TNS1: variants seen among roughly 807,000 people sequenced by gnomAD.
TNS1 encodes tensin-1.
TNS1 carries 62 observed loss-of-function variants against 168.6 expected under a neutral mutation model. That is an observed-to-expected ratio of 0.37 (90% CI 0.30 to 0.45). The LOEUF (loss-of-function observed/expected upper bound fraction) is 0.45. Ranked by LOEUF, TNS1 falls within the 20% of genes least tolerant of loss-of-function variation. TNS1 has a pLI of 1.00. For missense variants in TNS1, 2,240 were observed against 2,339.4 expected, an observed-to-expected ratio of 0.96 and a Z score of 0.88; for synonymous variants, 934 against 933.2, an observed-to-expected ratio of 1.00 and a Z score of -0.02.
intron 6 of TNS1, 58 bp downstream of exon 6, chr2:217,906,277 C>A: frequency 3.0e-6 from 2 of 670,568 alleles, no homozygotes; most frequent in South Asian, 3.1e-5. Flanking sequence ...CCACCCCACC[C>A]CATTCCCCCT....
At position 217,931,773 on chromosome 2, in the gene TNS1, A is replaced by G. The variant is rs556723429; in HGVS notation, c.187-11537T>C. The stretch of plus-strand genomic sequence containing the variant: ...AGGGAAGGCTACTTGAATTGTACAC[A>G]TCGATCCTAAGGTGCATTCCATTTT... On this transcript the variant is annotated intron_variant, in intron 3 of 32. Coordinates refer to ENST00000682258, the MANE Select transcript of TNS1 (RefSeq NM_001387777.1). Among the ~76,000 whole-genome samples, 108 of 152,318 alleles carry G rather than the reference A, an allele frequency of 7.1e-4. 1 individual carries two copies. Among genetic ancestry groups the G allele is most frequent in the African/African-American group, 2.0e-3 (84 of 41,572 alleles).
chr2:217,878,094 G>A (rs1221612064), intron 18 of TNS1, among the ~76,000 whole-genome samples: 2 of 152,202 alleles, frequency 1.3e-5, no homozygotes, highest in Non-Finnish European at 2.9e-5. Context: ...TGAGTGAGCG[G>A]CCCACACTCT....
rs201215913 is a variant in TNS1 at position 217,953,036 on chromosome 2, T to C, written c.186+25729A>G. On this transcript the variant is annotated intron_variant, in intron 3 of 32. Coordinates refer to ENST00000682258, the MANE Select transcript of TNS1 (RefSeq NM_001387777.1). ...GCTCCCAGCCCAGCGCTCAGGCCTC[T>C]GCATCACACTGGTCCCCAGGAGAGG... Among the ~76,000 whole-genome samples the C allele has an allele frequency of 9.2e-5, 14 of 152,324 alleles. No individual in the cohort carries two copies. The East Asian group carries it at 2.7e-3, about 29-fold the overall frequency.
At position 218,033,194 on chromosome 2, in the gene TNS1, A is replaced by G. The variant is rs909125041; in HGVS notation, c.156+626T>C. ...AAACACCTCCTCCTACTCTCCCAGG[A>G]AGAAACCAGCACCACACCTATCCCA... On this transcript the variant is annotated intron_variant, in intron 1 of 1. Coordinates refer to the TNS1 transcript ENST00000649572. The surrounding 1 kb of genome is among the most constrained non-coding windows in gnomAD (Gnocchi z 4.3). 1.7e-4 allele frequency among the ~76,000 whole-genome samples: 26 copies of G among 152,148 alleles called. No individual in the cohort carries two copies. The highest frequency in any genetic ancestry group is 6.3e-4 in the African/African-American group (26 of 41,424).
chr2:217,885,873 G>A, intron 14 of TNS1, 54 bp from the exon 15 acceptor site: 1 of 1,569,420 alleles, frequency 6.4e-7, no homozygotes, highest in Non-Finnish European at 8.8e-7. Flanking sequence ...GGAGATGAGG[G>A]AGGGGCATTT....
intron 18 of TNS1, among the ~76,000 whole-genome samples, chr2:217,855,232 T>A (rs910477527): frequency 3.9e-5 from 6 of 152,076 alleles, no homozygotes; most frequent in Admixed American, 2.0e-4. Flanking sequence ...CAGAACACCC[T>A]CCACTCTACT....
chr2:217,984,838 C>G (rs559509458), intron 2 of TNS1, among the ~76,000 whole-genome samples: 1 of 151,612 alleles, frequency 6.6e-6, no homozygotes, highest in African/African-American at 2.4e-5. Flanking sequence ...TCACTGCAAC[C>G]TCCACCTCCC....
chr2:217,906,297 G>A lies in TNS1; in HGVS notation c.321+38C>T, dbSNP rs527903595. The A allele has an allele frequency of 4.1e-5, 28 of 684,190 alleles. No homozygotes were observed. In the African/African-American group the frequency reaches 4.6e-4, roughly 11 times the overall value. The allele number at this position is 684,190 out of a possible 1,614,324, so 42.4% of individuals were successfully genotyped here. Reference sequence around the variant, plus strand: ...CCACCCCATTCCCCCTGGCCACCAGGGCCCAGCCCCATCCTTCTTCTCCCC... The same window carrying A: ...CCACCCCATTCCCCCTGGCCACCAGAGCCCAGCCCCATCCTTCTTCTCCCC... On this transcript the variant is annotated intron_variant, in intron 6 of 32. Coordinates refer to ENST00000682258, the MANE Select transcript of TNS1 (RefSeq NM_001387777.1).
chr2:217,860,690 C>A (rs1948699045), intron 18 of TNS1, among the ~76,000 whole-genome samples: 1 of 152,202 alleles, frequency 6.6e-6, no homozygotes, highest in Non-Finnish European at 1.5e-5. Flanking sequence ...AAATAAACTT[C>A]ATTTAACTTA....
In TNS1 at chr2:217,888,848, A is replaced by G. The variant is rs1373913024; in HGVS notation, c.866+2114T>C. ...GTATGTCTTTATCAGCAGCATGAAA[A>G]TGGACTAATACACCAGGGAATCCCT... On this transcript the variant is annotated intron_variant, in intron 12 of 32. Coordinates refer to ENST00000682258, the MANE Select transcript of TNS1 (RefSeq NM_001387777.1). Among the ~76,000 whole-genome samples the G allele has an allele frequency of 2.0e-5, 3 of 152,182 alleles. No individual in the cohort carries two copies. In the East Asian group the frequency reaches 5.8e-4, roughly 29 times the overall value.
intron 3 of TNS1, among the ~76,000 whole-genome samples, chr2:217,973,948 C>T (rs113024573): frequency 1.3e-5 from 2 of 152,140 alleles, no homozygotes; most frequent in East Asian, 3.9e-4. Context: ...TACAACATAG[C>T]AATTAAAAAG....
At chr2:218,008,317 A>C (rs192330001) in intron 1 of TNS1, among the ~76,000 whole-genome samples, 3,981 of 152,254 alleles carry the variant, frequency 0.026, 180 homozygotes, top group African/African-American at 0.091. Context: ...CCCGACCCCC[A>C]GTCGCCAGCT....
At chr2:217,959,618 A>G (rs1177042214) in intron 3 of TNS1, among the ~76,000 whole-genome samples, 4 of 152,190 alleles carry the variant, frequency 2.6e-5, no homozygotes, top group Non-Finnish European at 5.9e-5. Flanking sequence ...TTAGCATAAA[A>G]CCTGGTGCCT....
rs1337647071 is a variant in TNS1 at position 217,801,819 on chromosome 2, A to C, written c.*2640T>G. On this transcript the variant is annotated 3_prime_UTR_variant, in exon 33 of 33. Transcript: ENST00000682258. ...CCCTTCCCCATCATTCGCCTTGAAA[A>C]GTCACACTCTCAGAAACTGACTCCT... is the stretch of plus-strand genomic sequence containing the variant. The C allele has an allele frequency of 6.6e-6, 1 of 152,190 alleles. No individual in the cohort carries two copies. The highest frequency in any genetic ancestry group is 2.4e-5 in the African/African-American group (1 of 41,440). The allele number at this position is 152,190 out of a possible 1,614,324, so 9.4% of individuals were successfully genotyped here.
chr2:217,815,614 C>T (rs1941772147), intron 24 of TNS1, among the ~76,000 whole-genome samples: 1 of 152,202 alleles, frequency 6.6e-6, no homozygotes, highest in African/African-American at 2.4e-5. Context: ...CCTGGCACTG[C>T]ATTCCCACAG....
At chr2:217,838,885 G>T (rs990131865) in intron 19 of TNS1, among the ~76,000 whole-genome samples, 1 of 152,110 alleles carries the variant, frequency 6.6e-6, no homozygotes, top group African/African-American at 2.4e-5. Context: ...ACGTCCCAGA[G>T]TCTGACTGAT....
At position 217,848,522 on chromosome 2, in the gene TNS1, C is replaced by A. The variant is rs776497313; in HGVS notation, c.1995G>T (p.Leu665=). ...GGTAGGACTTGTCCAGACCGTTGGT[C>A]AGTGGGGACAGGGCCTCTGGGTAGC... is the stretch of plus-strand genomic sequence containing the variant. ...EGGYPEALSP[L]TNGLDKSYPM... Residue 665 remains leucine (L), a synonymous_variant, in exon 19 of 33, where the codon CTG becomes CTT. Coordinates refer to ENST00000682258, the MANE Select transcript of TNS1 (RefSeq NM_001387777.1). 1 of 1,613,626 alleles carries A rather than the reference C, an allele frequency of 6.2e-7. No individual in the cohort carries two copies. The highest frequency in any genetic ancestry group is 1.1e-5 in the South Asian group (1 of 91,016).
intron 1 of TNS1, among the ~76,000 whole-genome samples, chr2:218,027,746 G>A (rs1158597531): frequency 6.6e-6 from 1 of 152,146 alleles, no homozygotes; most frequent in Admixed American, 6.5e-5. Context: ...GGAAAGAGAA[G>A]GTGGCAGATG....
In TNS1 at chr2:217,903,152, C is replaced by T. The variant is rs373694561; in HGVS notation, c.322-2640G>A. On this transcript the variant is annotated intron_variant, in intron 6 of 32. Coordinates refer to ENST00000682258, the MANE Select transcript of TNS1 (RefSeq NM_001387777.1). ...TCCCTGGGCCTCCAATCTTCATGCT[C>T]ATTCTCTCATTCAGCAAACATCCAC... 2.0e-4 allele frequency among the ~76,000 whole-genome samples: 31 copies of T among 152,286 alleles called. No homozygotes were observed. The East Asian group carries it at 4.2e-3, about 21-fold the overall frequency.
Sources: gnomAD v4.1 joint callset for allele counts (sites outside exome capture counted in the v4.1 genomes callset) on GRCh38, gnomAD v4.1.1 for gene constraint, Gnocchi (gnomAD v3.1) non-coding constraint, MANE v1.5 for transcripts, NCBI Gene and HGNC (gene_info 2026-07-23, HGNC 2026-07-21) for gene names.